Variants in VEZT observed in about 807,000 individuals in gnomAD.
VEZT encodes vezatin.
A neutral mutation model predicts 79.9 loss-of-function variants in VEZT; 39 were observed. That is an observed-to-expected ratio of 0.49 (90% CI 0.38 to 0.64). The LOEUF is 0.64. VEZT is among the 30% of genes least tolerant of loss of function. The pLI is 0.00. For missense variants in VEZT, 837 were observed against 893.1 expected (o/e 0.94, Z 0.80); for synonymous variants, 325 against 327.6 (o/e 0.99, Z 0.09).
intron 5 of VEZT, among the ~76,000 whole-genome samples, chr12:95,267,761 C>T (rs527892997): frequency 1.1e-4 from 17 of 152,324 alleles, no homozygotes; most frequent in African/African-American, 4.1e-4. Flanking sequence ...ATGGCTCACA[C>T]CCGTAATCCC....
chr12:95,254,025 G>A (rs1381483740), intron 2 of VEZT, among the ~76,000 whole-genome samples: 2 of 152,064 alleles, frequency 1.3e-5, no homozygotes, highest in Non-Finnish European at 2.9e-5. Flanking sequence ...CTGTCACCCA[G>A]GCTGGAATGC....
intron 9 of VEZT, among the ~76,000 whole-genome samples, chr12:95,292,110 T>C (rs534293165): frequency 1.3e-5 from 2 of 152,290 alleles, no homozygotes; most frequent in South Asian, 2.1e-4. Flanking sequence ...TCTTGCTAGA[T>C]TTTTGTTAAA....
intron 1 of VEZT, among the ~76,000 whole-genome samples, chr12:95,226,897 T>G (rs2058570837): frequency 6.6e-6 from 1 of 150,388 alleles, no homozygotes; most frequent in South Asian, 2.1e-4. Context: ...AGATCATTTG[T>G]TTTAATTAGA....
chr12:95,236,179 G>A (rs1246655503), intron 1 of VEZT, among the ~76,000 whole-genome samples: 1 of 152,188 alleles, frequency 6.6e-6, no homozygotes, highest in Non-Finnish European at 1.5e-5. Context: ...ACGGCACCTT[G>A]GGAGGCCGAG....
At chr12:95,283,102 A>T (rs1374787480) in intron 8 of VEZT, among the ~76,000 whole-genome samples, 8 of 152,144 alleles carry the variant, frequency 5.3e-5, no homozygotes, top group Non-Finnish European at 1.2e-4. Context: ...AGATCTGAAA[A>T]TTTTTTTGTA....
intron 1 of VEZT, among the ~76,000 whole-genome samples, chr12:95,234,041 ACTT>A (rs2059645878): frequency 6.6e-6 from 1 of 152,286 alleles, no homozygotes; most frequent in African/African-American, 2.4e-5. Flanking sequence ...GTATTCTCAG[ACTT>A]CTTAATTATT....
intron 8 of VEZT, among the ~76,000 whole-genome samples, chr12:95,285,767 A>G (rs992105816): frequency 2.6e-5 from 4 of 152,118 alleles, no homozygotes; most frequent in Non-Finnish European, 5.9e-5. Flanking sequence ...TATTTATGAT[A>G]TTGTAGTCTT....
At chr12:95,297,974 G>A (rs1414543370) in intron 11 of VEZT, among the ~76,000 whole-genome samples, 1 of 151,978 alleles carries the variant, frequency 6.6e-6, no homozygotes. Context: ...ACAAAAATTA[G>A]CCAGGTGTGA....
chr12:95,276,026 G>A lies in VEZT; in HGVS notation c.996+1137G>A, dbSNP rs185634907. On this transcript the variant is annotated intron_variant, in intron 7 of 11. Transcript: ENST00000436874. Reference sequence around the variant, plus strand: ...ATTTCATTATCACTGAAGATTCAGGGAGACCTCACACACCAATGGTGAAAG... The same window carrying A: ...ATTTCATTATCACTGAAGATTCAGGAAGACCTCACACACCAATGGTGAAAG... Among the ~76,000 whole-genome samples, 295 of 152,108 alleles carry A rather than the reference G, an allele frequency of 1.9e-3. 1 individual carries two copies. The highest frequency in any genetic ancestry group is 6.8e-3 in the African/African-American group (281 of 41,490).
chr12:95,261,284 G>GCCTTC (rs2064436194), intron 3 of VEZT, among the ~76,000 whole-genome samples: 1 of 152,116 alleles, frequency 6.6e-6, no homozygotes, highest in South Asian at 2.1e-4. Flanking sequence ...CAAACCTGTT[G>GCCTTC]CCTTCACACC....
At chr12:95,241,307 G>A (rs1464153696) in intron 1 of VEZT, among the ~76,000 whole-genome samples, 2 of 152,074 alleles carry the variant, frequency 1.3e-5, no homozygotes, top group South Asian at 4.1e-4. Context: ...AGAGTGCTGG[G>A]ATTACAGGTG....
intron 1 of VEZT, among the ~76,000 whole-genome samples, chr12:95,225,761 C>CAAAAAAAAAAAAAAAA: frequency 2.4e-5 from 1 of 40,850 alleles, no homozygotes; most frequent in Non-Finnish European, 5.3e-5. Flanking sequence ...TGTTTCATAG[C>CAAAAAAAAAAAAAAAA]AAAAAAAAAA....
chr12:95,277,144 A>G (rs1566228896), intron 7 of VEZT, among the ~76,000 whole-genome samples: 1 of 152,050 alleles, frequency 6.6e-6, no homozygotes, highest in Non-Finnish European at 1.5e-5. Context: ...TTGACATGTA[A>G]AGAACCTTTT....
At chr12:95,266,986 CAAAT>C (rs1355340088) in intron 5 of VEZT, among the ~76,000 whole-genome samples, 1 of 152,220 alleles carries the variant, frequency 6.6e-6, no homozygotes, top group Non-Finnish European at 1.5e-5. Context: ...TACTCCCTTT[CAAAT>C]GCCTTCTTTA....
At position 95,251,997 on chromosome 12, in the gene VEZT, T is replaced by C. The variant is rs569269744; in HGVS notation, c.94T>C (p.Ser32Pro). Residue 32 changes from serine (S) to proline (P), a missense_variant, in exon 2 of 12, where the codon TCT (serine) becomes CCT (proline). Ser to Pro is a moderately conservative substitution (Grantham distance 74, BLOSUM62 -1). Coordinates refer to ENST00000436874, the MANE Select transcript of VEZT (RefSeq NM_017599.4). ...DLGHTDFEICSSLSPKTEKCT... is the reference protein window; with the variant it reads ...DLGHTDFEICPSLSPKTEKCT... Reference sequence around the variant, plus strand: ...GGGACACACAGACTTTGAAATATGTTCTTCTTTGTCACCAAAAACAGAAAA... The same window carrying C: ...GGGACACACAGACTTTGAAATATGTCCTTCTTTGTCACCAAAAACAGAAAA... 3 of 1,612,784 alleles carry C rather than the reference T, an allele frequency of 1.9e-6. No individual in the cohort carries two copies. The South Asian group carries it at 3.3e-5, about 18-fold the overall frequency.
Position 95,302,369 on chromosome 12 carries a change from A to T in VEZT, c.*1696A>T, listed in dbSNP as rs1446910939. ...GTTTTATTCAGTGTTCTCTAAGGTGATACCTTTTAATTTTGAAAGACTAAA... is the reference window on the plus strand; with the variant it reads ...GTTTTATTCAGTGTTCTCTAAGGTGTTACCTTTTAATTTTGAAAGACTAAA... On this transcript the variant is annotated 3_prime_UTR_variant, in exon 12 of 12. Coordinates refer to ENST00000436874, the MANE Select transcript of VEZT (RefSeq NM_017599.4). 1.3e-5 allele frequency: 2 copies of T among 152,266 alleles called. No homozygotes were observed. Among genetic ancestry groups the T allele is most frequent in the Non-Finnish European group, 2.9e-5 (2 of 67,992 alleles). 9.4% of individuals were successfully genotyped at this position (152,266 alleles called of 1,614,324 possible). A position where few individuals can be genotyped will look rare whatever the true frequency, so the allele number is the denominator to read the frequency against.
Position 95,263,021 on chromosome 12 carries a change from C to G in VEZT, c.374C>G (p.Ser125Cys). ...CCCAGTATCCTGTCTGCAGGGCAAT[C>G]TCAACAACAGGAAAATGGACACCTT... ...LDPSILSAGQ[S>C]QQQENGHLPT... is the part of the protein sequence containing the mutation. Residue 125 changes from serine to cysteine, a missense_variant, in exon 4 of 12, where the codon TCT becomes TGT. Transcript: ENST00000436874. 6.2e-7 allele frequency: 1 copy of G among 1,612,924 alleles called. No individual in the cohort carries two copies. The highest frequency in any genetic ancestry group is 8.5e-7 in the Non-Finnish European group (1 of 1,179,072).
intron 1 of VEZT, among the ~76,000 whole-genome samples, chr12:95,222,373 T>C (rs1024143095): frequency 5.3e-5 from 8 of 152,228 alleles, no homozygotes; most frequent in African/African-American, 1.9e-4. Context: ...GGATGTCCAG[T>C]TGACCTGGCA....
intron 11 of VEZT, chr12:95,297,083 C>G (rs1339928880): frequency 6.6e-6 from 1 of 152,258 alleles, no homozygotes; most frequent in Non-Finnish European, 1.5e-5. Flanking sequence ...GGCGTACTCC[C>G]CATACTCTGA....
Sources: gnomAD v4.1 joint callset for allele counts (sites outside exome capture counted in the v4.1 genomes callset) on GRCh38, gnomAD v4.1.1 for gene constraint, MANE v1.5 for transcripts, NCBI Gene and HGNC (gene_info 2026-07-23, HGNC 2026-07-21) for gene names.